Variants in AMBRA1 observed in about 807,000 individuals in gnomAD.
The protein encoded by AMBRA1 is autophagy and beclin 1 regulator 1.
Under a neutral mutation model 125.4 loss-of-function variants are expected in AMBRA1, and 47 were observed. The observed-to-expected ratio is 0.37, with a 90% CI of 0.30 to 0.48. AMBRA1 has a LOEUF of 0.48. Ranked by LOEUF, AMBRA1 falls within the 20% of genes least tolerant of loss-of-function variation. AMBRA1 has a pLI of 0.99. For synonymous variants in AMBRA1, 626 were observed against 655.5 expected (o/e 0.95, Z 0.69); for missense variants, 1,331 against 1,693.4 (o/e 0.79, Z 3.76).
intron 1 of AMBRA1, among the ~76,000 whole-genome samples, chr11:46,590,470 A>G (rs78912304): frequency 1.4e-5 from 2 of 142,702 alleles, no homozygotes; most frequent in Non-Finnish European, 3.2e-5. Context: ...TCTCTTCAGG[A>G]AAAAAAAAAA....
At chr11:46,497,370 G>C (rs957078629) in intron 9 of AMBRA1, among the ~76,000 whole-genome samples, 1 of 152,106 alleles carries the variant, frequency 6.6e-6, no homozygotes, top group Non-Finnish European at 1.5e-5. Flanking sequence ...CTATAAAAGA[G>C]GCAACATGTT....
chr11:46,523,082 T>C (rs1247845986), intron 7 of AMBRA1, among the ~76,000 whole-genome samples: 1 of 152,192 alleles, frequency 6.6e-6, no homozygotes, highest in African/African-American at 2.4e-5. Flanking sequence ...ATGAGGTTTC[T>C]AGAATCTGCA....
intron 15 of AMBRA1, among the ~76,000 whole-genome samples, chr11:46,411,402 T>A (rs1326736545): frequency 6.6e-6 from 1 of 152,100 alleles, no homozygotes; most frequent in Non-Finnish European, 1.5e-5. Flanking sequence ...TCCCAGGAGG[T>A]CCCAGGAGGT....
At chr11:46,579,045 T>TAAAAAAAAA (rs11393945) in intron 1 of AMBRA1, among the ~76,000 whole-genome samples, 8 of 68,028 alleles carry the variant, frequency 1.2e-4, no homozygotes, top group African/African-American at 2.1e-4. Context: ...AAGAAAGCAA[T>TAAAAAAAAA]AAAAAAAAAA....
At chr11:46,439,171 G>C (rs1590810014) in intron 12 of AMBRA1, among the ~76,000 whole-genome samples, 1 of 152,190 alleles carries the variant, frequency 6.6e-6, no homozygotes. Context: ...TTACTTGGAA[G>C]GCCGAGGCAG....
Position 46,490,784 on chromosome 11 carries a change from A to T in AMBRA1, c.2521+2824T>A, listed in dbSNP as rs139120871. On this transcript the variant is annotated intron_variant, in intron 11 of 17. Coordinates refer to ENST00000683756, the MANE Select transcript of AMBRA1 (RefSeq NM_001387011.1). ...GACTTGGAGCTACAGGAAGGCAGGG[A>T]TCATAGTCTGTCTTATTCACTCTGG... Among the ~76,000 whole-genome samples the T allele has an allele frequency of 7.2e-3, 1,103 of 152,232 alleles. 22 individuals carry two copies. Among genetic ancestry groups the T allele is most frequent in the African/African-American group, 0.026 (1,071 of 41,528 alleles).
chr11:46,433,149 T>A (rs569343799), intron 14 of AMBRA1, among the ~76,000 whole-genome samples: 13 of 152,322 alleles, frequency 8.5e-5, no homozygotes, highest in Admixed American at 1.3e-4. Flanking sequence ...GCTTTAAAAA[T>A]AAGCATTTCA....
chr11:46,474,423 C>G (rs1353145934), intron 11 of AMBRA1, among the ~76,000 whole-genome samples: 1 of 152,178 alleles, frequency 6.6e-6, no homozygotes, highest in Non-Finnish European at 1.5e-5. Flanking sequence ...GAGTCTTGCT[C>G]TGTCGCCCAG....
chr11:46,553,967 CTT>C (rs1232750015), intron 1 of AMBRA1, among the ~76,000 whole-genome samples: 3 of 152,112 alleles, frequency 2.0e-5, no homozygotes, highest in African/African-American at 7.2e-5. Context: ...AAATCATCTC[CTT>C]AGTAACCCTG....
At chr11:46,578,742 A>G (rs2044056031) in intron 1 of AMBRA1, among the ~76,000 whole-genome samples, 1 of 151,118 alleles carries the variant, frequency 6.6e-6, no homozygotes, top group South Asian at 2.1e-4. Flanking sequence ...TTAGCCAGGC[A>G]TGGTGGCGGG....
At chr11:46,470,588 CAAAAAAAAAAA>C (rs766521795) in intron 11 of AMBRA1, among the ~76,000 whole-genome samples, 1 of 53,454 alleles carries the variant, frequency 1.9e-5, no homozygotes, top group Non-Finnish European at 3.7e-5. Context: ...GACTCCGTCT[CAAAAAAAAAAA>C]AAAAAAAAAA....
At chr11:46,525,894 A>C (rs1428449166) in intron 7 of AMBRA1, among the ~76,000 whole-genome samples, 1 of 152,088 alleles carries the variant, frequency 6.6e-6, no homozygotes, top group Non-Finnish European at 1.5e-5. Context: ...CCTGGGTGAC[A>C]GAGCGAGACT....
intron 9 of AMBRA1, chr11:46,494,460 A>G (rs1292393267): frequency 1.0e-5 from 4 of 389,024 alleles, no homozygotes; most frequent in Non-Finnish European, 1.9e-5. Context: ...GTGGTCCCTT[A>G]GCGTCTCAAA....
intron 11 of AMBRA1, among the ~76,000 whole-genome samples, chr11:46,459,057 G>A (rs1186329213): frequency 6.6e-6 from 1 of 152,016 alleles, no homozygotes; most frequent in East Asian, 1.9e-4. Flanking sequence ...AACATCCATC[G>A]GGAAGAAAAT....
chr11:46,432,464 A>C (rs1321511229), intron 14 of AMBRA1, among the ~76,000 whole-genome samples: 3 of 152,170 alleles, frequency 2.0e-5, no homozygotes, highest in African/African-American at 7.2e-5. Flanking sequence ...GAGGCTGGAG[A>C]GGAAAGGACC....
intron 1 of AMBRA1, among the ~76,000 whole-genome samples, chr11:46,550,000 G>A (rs11038916): frequency 0.037 from 5,690 of 152,134 alleles, 371 homozygotes; most frequent in African/African-American, 0.13. Flanking sequence ...TGTATTTTTA[G>A]TAAAGACCAG....
At chr11:46,501,238 A>T (rs1232174925) in intron 9 of AMBRA1, among the ~76,000 whole-genome samples, 2 of 152,240 alleles carry the variant, frequency 1.3e-5, no homozygotes, top group Non-Finnish European at 2.9e-5. Context: ...GAGTTTGCAC[A>T]CTTCCCCATG....
At chr11:46,457,159 C>T (rs1948884676) in intron 11 of AMBRA1, among the ~76,000 whole-genome samples, 1 of 152,196 alleles carries the variant, frequency 6.6e-6, no homozygotes, top group South Asian at 2.1e-4. Flanking sequence ...AGAGGACAGG[C>T]CTGCTCCCAG....
At chr11:46,516,451 G>GTTTTTT (rs1951490939) in intron 7 of AMBRA1, among the ~76,000 whole-genome samples, 1 of 87,516 alleles carries the variant, frequency 1.1e-5, no homozygotes, top group Non-Finnish European at 2.2e-5. Context: ...TTTTTTTTGA[G>GTTTTTT]ACGGTGTCTC....
Sources: gnomAD v4.1 joint callset for allele counts (sites outside exome capture counted in the v4.1 genomes callset) on GRCh38, gnomAD v4.1.1 for gene constraint, MANE v1.5 for transcripts, NCBI Gene and HGNC (gene_info 2026-07-23, HGNC 2026-07-21) for gene names.